HTR1F: variants seen among roughly 807,000 people sequenced by gnomAD.
The protein encoded by HTR1F is 5-hydroxytryptamine receptor 1F.
A neutral mutation model predicts 24.0 loss-of-function variants in HTR1F; 17 were observed. The observed-to-expected ratio is 0.71, with a 90% CI of 0.48 to 1.06. The LOEUF (loss-of-function observed/expected upper bound fraction) is 1.06, where lower values mean the gene tolerates loss of function less well. HTR1F is among the 50% of genes least tolerant of loss of function. The pLI, the probability that HTR1F is intolerant of heterozygous loss-of-function variation, is 0.00. For synonymous variants in HTR1F, 186 were observed against 156.8 expected (o/e 1.19, Z -1.39); for missense variants, 391 against 427.8 (o/e 0.91, Z 0.76).
chr3:87,926,893 A>T (rs1270704593), intron 2 of HTR1F, among the ~76,000 whole-genome samples: 1 of 152,134 alleles, frequency 6.6e-6, no homozygotes, highest in Non-Finnish European at 1.5e-5. Flanking sequence ...TCAGTAACAT[A>T]TTTCTCCTCA....
intron 2 of HTR1F, among the ~76,000 whole-genome samples, chr3:87,948,635 C>T (rs1252769848): frequency 1.3e-5 from 2 of 151,952 alleles, no homozygotes; most frequent in South Asian, 2.1e-4. Context: ...CAGGCTCATA[C>T]CAAAATAAGC....
intron 2 of HTR1F, among the ~76,000 whole-genome samples, chr3:87,953,768 A>G (rs757835391): frequency 2.6e-5 from 4 of 151,918 alleles, no homozygotes; most frequent in Non-Finnish European, 5.9e-5. Flanking sequence ...ACAATAGCCA[A>G]GATATGGAAT....
intron 2 of HTR1F, among the ~76,000 whole-genome samples, chr3:87,866,604 T>G (rs2654566): frequency 6.7e-6 from 1 of 148,958 alleles, no homozygotes; most frequent in South Asian, 2.1e-4. Context: ...TGATTACACT[T>G]TCCACTATAT....
intron 2 of HTR1F, among the ~76,000 whole-genome samples, chr3:87,901,712 GA>G (rs199987641): frequency 2.7e-5 from 4 of 147,614 alleles, no homozygotes; most frequent in East Asian, 2.0e-4. Context: ...CACCAAAAAT[GA>G]AAAAAAAATG....
intron 1 of HTR1F, among the ~76,000 whole-genome samples, chr3:87,798,554 C>G (rs1487470914): frequency 6.6e-6 from 1 of 151,844 alleles, no homozygotes; most frequent in Non-Finnish European, 1.5e-5. Context: ...CCCGCCGTAG[C>G]TAGAGTCCCA....
chr3:87,957,232 A>G (rs1445929745), intron 2 of HTR1F, among the ~76,000 whole-genome samples: 1 of 151,214 alleles, frequency 6.6e-6, no homozygotes, highest in Non-Finnish European at 1.5e-5. Flanking sequence ...TATCTCTTTC[A>G]TTCTCTTAAT....
At chr3:87,982,456 A>C (rs1031505937) in intron 2 of HTR1F, among the ~76,000 whole-genome samples, 3 of 152,354 alleles carry the variant, frequency 2.0e-5, no homozygotes, top group Non-Finnish European at 2.9e-5. Context: ...GGAGACACAA[A>C]GTTTTGAAGA....
chr3:87,874,010 G>A (rs1705615665), intron 2 of HTR1F, among the ~76,000 whole-genome samples: 1 of 152,084 alleles, frequency 6.6e-6, no homozygotes, highest in Non-Finnish European at 1.5e-5. Flanking sequence ...GAAGCCCACA[G>A]CTAACATCAT....
chr3:87,870,123 T>C (rs1211440597), intron 2 of HTR1F, among the ~76,000 whole-genome samples: 1 of 152,110 alleles, frequency 6.6e-6, no homozygotes, highest in East Asian at 1.9e-4. Context: ...ACCATCTATG[T>C]AACAGGTATT....
intron 2 of HTR1F, among the ~76,000 whole-genome samples, chr3:87,965,853 C>T (rs1419625056): frequency 1.3e-5 from 2 of 152,170 alleles, no homozygotes; most frequent in Non-Finnish European, 2.9e-5. Flanking sequence ...TGTTTATACC[C>T]GGATTAGAGC....
At chr3:87,835,471 T>C (rs1297385642) in intron 2 of HTR1F, among the ~76,000 whole-genome samples, 1 of 152,206 alleles carries the variant, frequency 6.6e-6, no homozygotes, top group Non-Finnish European at 1.5e-5. Context: ...TAATGAAATA[T>C]GATGCCGTCA....
intron 2 of HTR1F, among the ~76,000 whole-genome samples, chr3:87,931,974 T>C (rs1288007197): frequency 6.6e-6 from 1 of 152,114 alleles, no homozygotes; most frequent in Non-Finnish European, 1.5e-5. Flanking sequence ...GTTGCAAAAA[T>C]TTTCTCCCAT....
At chr3:87,930,861 A>G (rs1407513454) in intron 2 of HTR1F, among the ~76,000 whole-genome samples, 1 of 152,120 alleles carries the variant, frequency 6.6e-6, no homozygotes, top group Non-Finnish European at 1.5e-5. Context: ...TTACATACAC[A>G]CCTACACATA....
rs773619514 is a variant in HTR1F, at chr3:87,991,882, GT to G, written c.*37del. ...AAATGTTTATTATTGAAGGATGGGG[GT>G]TTTTGAGGGGAGGAATAACTAGATG... is the stretch of plus-strand genomic sequence containing the variant. On this transcript the variant is annotated 3_prime_UTR_variant, in exon 3 of 3. Coordinates refer to ENST00000319595, the MANE Select transcript of HTR1F (RefSeq NM_001322209.2). 1.1e-5 allele frequency: 16 copies of G among 1,509,652 alleles called. No homozygotes were observed. Among genetic ancestry groups the G allele is most frequent in the South Asian group, 1.4e-5 (1 of 71,690 alleles). 93.5% of individuals were successfully genotyped at this position (1,509,652 alleles called of 1,614,324 possible).
rs543480389 is a variant in HTR1F at position 87,925,376 on chromosome 3, T to C, written c.-42-65332T>C. The stretch of plus-strand genomic sequence containing the variant: ...GGGTTCTAGGGGATGTCTTCTCAGT[T>C]ACTTGGGTCTTGGAAATGACCTCCC... On this transcript the variant is annotated intron_variant, in intron 2 of 2. Coordinates refer to ENST00000319595, the MANE Select transcript of HTR1F (RefSeq NM_001322209.2). Among the ~76,000 whole-genome samples, 6 of 152,224 alleles carry C rather than the reference T, an allele frequency of 3.9e-5. No individual in the cohort carries two copies. In the South Asian group the frequency reaches 1.0e-3, roughly 26 times the overall value.
chr3:87,975,222 G>T (rs552797630), intron 2 of HTR1F, among the ~76,000 whole-genome samples: 1 of 151,952 alleles, frequency 6.6e-6, no homozygotes, highest in Non-Finnish European at 1.5e-5. Flanking sequence ...TAAAATGTTA[G>T]TCCAAAAATC....
intron 2 of HTR1F, among the ~76,000 whole-genome samples, chr3:87,977,822 A>G (rs1705432102): frequency 1.3e-5 from 2 of 152,082 alleles, no homozygotes; most frequent in Admixed American, 1.3e-4. Context: ...CTAGTGTCAC[A>G]GGATCCTTAA....
At chr3:87,817,318 AGAT>A (rs1704267151) in intron 1 of HTR1F, among the ~76,000 whole-genome samples, 1 of 152,186 alleles carries the variant, frequency 6.6e-6, no homozygotes, top group South Asian at 2.1e-4. Context: ...AATTCTTGAA[AGAT>A]GATAAGTACA....
At chr3:87,903,609 A>C (rs1453445673) in intron 2 of HTR1F, among the ~76,000 whole-genome samples, 1 of 151,438 alleles carries the variant, frequency 6.6e-6, no homozygotes, top group African/African-American at 2.4e-5. Context: ...GGCAATCATT[A>C]AAAAGTCAGG....
Sources: allele counts gnomAD v4.1 joint callset (sites outside exome capture counted in the v4.1 genomes callset), GRCh38; gene constraint gnomAD v4.1.1; transcripts MANE v1.5; gene names NCBI Gene and HGNC (gene_info 2026-07-23, HGNC 2026-07-21).